Variants in ANKRD30BL observed in about 807,000 individuals in gnomAD.
The protein encoded by ANKRD30BL is ankyrin repeat domain 30B like.
Under a neutral mutation model 18.4 loss-of-function variants are expected in ANKRD30BL, and 20 were observed. The observed-to-expected ratio is 1.09, with a 90% CI of 0.77 to 1.58. The LOEUF (loss-of-function observed/expected upper bound fraction) is 1.58. ANKRD30BL is among the 40% of genes most tolerant of loss of function. The pLI, the probability that ANKRD30BL is intolerant of heterozygous loss-of-function variation, is 0.00. For missense variants in ANKRD30BL, 224 were observed against 268.6 expected, an observed-to-expected ratio of 0.83 and a Z score of 1.16; for synonymous variants, 72 against 100.9, an observed-to-expected ratio of 0.71 and a Z score of 1.72.
upstream of ANKRD30BL, among the ~76,000 whole-genome samples, chr2:132,164,540 C>T (rs1478767794): frequency 6.6e-6 from 1 of 151,916 alleles, no homozygotes; most frequent in Non-Finnish European, 1.5e-5. Flanking sequence ...ATCCGCCCAC[C>T]TTGGCCTCCC....
intron 1 of ANKRD30BL, among the ~76,000 whole-genome samples, chr2:132,202,211 C>T (rs1487940306): frequency 6.6e-6 from 1 of 152,036 alleles, no homozygotes; most frequent in Non-Finnish European, 1.5e-5. Context: ...TTAGTGGGTG[C>T]AGTGCACCAG....
intron 1 of ANKRD30BL, among the ~76,000 whole-genome samples, chr2:132,220,324 C>T (rs1160090572): frequency 1.8e-5 from 2 of 112,908 alleles, no homozygotes; most frequent in African/African-American, 4.0e-5. Context: ...CTCCCTCTCC[C>T]TGTCCCTCTC....
chr2:132,257,662 C>T (rs1392360942), exon 1 of ANKRD30BL: 2 of 158,360 alleles, frequency 1.3e-5, no homozygotes, highest in African/African-American at 4.8e-5. Flanking sequence ...CTAGAGAAGG[C>T]TTTCTCACCG....
At chr2:132,216,872 C>T (rs529163392) in intron 1 of ANKRD30BL, among the ~76,000 whole-genome samples, 2 of 151,226 alleles carry the variant, frequency 1.3e-5, no homozygotes, top group East Asian at 3.9e-4. Flanking sequence ...GTAGAATCTG[C>T]AACTGCATAT....
intron 4 of ANKRD30BL, chr2:132,153,365 T>G (rs1445080414): frequency 7.4e-5 from 27 of 365,240 alleles, no homozygotes; most frequent in Non-Finnish European, 2.2e-5. Context: ...ATAGGGGTTA[T>G]ACTTCAAATC....
In ANKRD30BL at chr2:132,234,881, C is replaced by T. The variant is rs555297795; in HGVS notation, n.441+22648G>A. On this transcript the variant is annotated intron_variant and non_coding_transcript_variant, in intron 1 of 4. Transcript: ENST00000470729. ...TACCAAAGCCAGGCAGAGACACAACCAAAAAAGAGAATTTTAGACCAATAT... is the reference window on the plus strand; with the variant it reads ...TACCAAAGCCAGGCAGAGACACAACTAAAAAAGAGAATTTTAGACCAATAT... 1.6e-4 allele frequency among the ~76,000 whole-genome samples: 24 copies of T among 152,042 alleles called. No homozygotes were observed. The East Asian group carries it at 4.1e-3, about 26-fold the overall frequency.
At chr2:132,223,990 C>T (rs934676805) in intron 1 of ANKRD30BL, among the ~76,000 whole-genome samples, 4 of 152,118 alleles carry the variant, frequency 2.6e-5, no homozygotes, top group Non-Finnish European at 1.5e-5. Flanking sequence ...CAGGAGCATT[C>T]TCAGAAACTT....
chr2:132,213,408 A>G (rs1195334382), intron 1 of ANKRD30BL, among the ~76,000 whole-genome samples: 1 of 149,400 alleles, frequency 6.7e-6, no homozygotes, highest in Admixed American at 6.6e-5. Context: ...ATTTTGAAAC[A>G]CTCTTTTTGT....
chr2:132,235,271 C>T (rs1219968370), intron 1 of ANKRD30BL, among the ~76,000 whole-genome samples: 5 of 152,142 alleles, frequency 3.3e-5, no homozygotes, highest in Non-Finnish European at 7.3e-5. Flanking sequence ...CCTTTGAAAA[C>T]TGGCACAAGA....
At chr2:132,194,106 ACT>A (rs1224375855) in intron 1 of ANKRD30BL, among the ~76,000 whole-genome samples, 11 of 150,238 alleles carry the variant, frequency 7.3e-5, no homozygotes, top group Non-Finnish European at 8.9e-5. Context: ...CCACTCCGAT[ACT>A]CTCTCTCTCT....
chr2:132,222,317 G>C (rs1573860331), intron 1 of ANKRD30BL, among the ~76,000 whole-genome samples: 1 of 152,076 alleles, frequency 6.6e-6, no homozygotes, highest in Non-Finnish European at 1.5e-5. Context: ...GCCCGGCCAT[G>C]ACCCCGTCTG....
intron 1 of ANKRD30BL, among the ~76,000 whole-genome samples, chr2:132,212,005 G>A (rs1679370192): frequency 6.6e-6 from 1 of 151,774 alleles, no homozygotes; most frequent in Non-Finnish European, 1.5e-5. Flanking sequence ...GAGCAGTTTG[G>A]AAACACTCTT....
intron 1 of ANKRD30BL, among the ~76,000 whole-genome samples, chr2:132,239,793 G>A (rs1573879765): frequency 6.6e-6 from 1 of 150,748 alleles, no homozygotes; most frequent in Non-Finnish European, 1.5e-5. Context: ...GAGGCCTAGG[G>A]TGAAAAAGGA....
chr2:132,199,480 G>A (rs1679049314), intron 1 of ANKRD30BL, among the ~76,000 whole-genome samples: 1 of 151,920 alleles, frequency 6.6e-6, no homozygotes, highest in Admixed American at 6.6e-5. Flanking sequence ...TGTAAAATAA[G>A]TAATTTCTTT....
At chr2:132,213,778 T>C (rs1431342730) in intron 1 of ANKRD30BL, among the ~76,000 whole-genome samples, 1 of 152,096 alleles carries the variant, frequency 6.6e-6, no homozygotes, top group African/African-American at 2.4e-5. Flanking sequence ...AATGGACATT[T>C]GGAGGGCTTT....
At chr2:132,241,708 A>T (rs111953548) in intron 1 of ANKRD30BL, among the ~76,000 whole-genome samples, 13 of 151,914 alleles carry the variant, frequency 8.6e-5, no homozygotes, top group African/African-American at 2.9e-4. Context: ...TCACAGAAGC[A>T]TTCTGAGAAA....
chr2:132,209,516 C>A (rs1341620684), intron 1 of ANKRD30BL, among the ~76,000 whole-genome samples: 1 of 152,048 alleles, frequency 6.6e-6, no homozygotes, highest in Non-Finnish European at 1.5e-5. Flanking sequence ...GAAACATCTG[C>A]ACATAAAAAC....
chr2:132,185,889 C>T (rs1288828546), intron 1 of ANKRD30BL, among the ~76,000 whole-genome samples: 1 of 151,996 alleles, frequency 6.6e-6, no homozygotes, highest in Non-Finnish European at 1.5e-5. Context: ...GCCTGTAATC[C>T]CAGTACTTTA....
intron 1 of ANKRD30BL, among the ~76,000 whole-genome samples, chr2:132,231,356 C>A (rs897112067): frequency 1.3e-5 from 2 of 152,170 alleles, no homozygotes; most frequent in African/African-American, 4.8e-5. Context: ...CGAATAGGAA[C>A]AGCTCTGGTC....
Sources: allele counts gnomAD v4.1 joint callset (sites outside exome capture counted in the v4.1 genomes callset), GRCh38; gene constraint gnomAD v4.1.1; transcripts MANE v1.5; gene names NCBI Gene and HGNC (gene_info 2026-07-23, HGNC 2026-07-21).